SNAP91: variants seen among roughly 807,000 people sequenced by gnomAD.
SNAP91 encodes the protein synaptosome associated protein 91, also known as clathrin coat assembly protein AP180.
Under a neutral mutation model 100.3 loss-of-function variants are expected in SNAP91, and 27 were observed. The observed-to-expected ratio is 0.27, with a 90% CI of 0.20 to 0.37. The LOEUF (loss-of-function observed/expected upper bound fraction) is 0.37, where lower values mean the gene tolerates loss of function less well. Ranked by LOEUF, SNAP91 falls within the 10% of genes least tolerant of loss-of-function variation. SNAP91 has a pLI of 1.00. For missense variants in SNAP91, 986 were observed against 1,123.7 expected, an observed-to-expected ratio of 0.88 and a Z score of 1.75; for synonymous variants, 404 against 398.6, an observed-to-expected ratio of 1.01 and a Z score of -0.16.
chr6:83,700,800 G>T (rs1481887165), intron 2 of SNAP91, among the ~76,000 whole-genome samples: 1 of 152,016 alleles, frequency 6.6e-6, no homozygotes, highest in Non-Finnish European at 1.5e-5. Flanking sequence ...GTCTCCCTAT[G>T]TTGCCCAGGC....
At chr6:83,662,670 C>A (rs1403640541) in intron 3 of SNAP91, among the ~76,000 whole-genome samples, 2 of 151,852 alleles carry the variant, frequency 1.3e-5, no homozygotes, top group African/African-American at 4.8e-5. Context: ...AGTAGGCATC[C>A]TACATAAAAT....
At chr6:83,586,979 G>C (rs939038506) in intron 22 of SNAP91, among the ~76,000 whole-genome samples, 15 of 152,110 alleles carry the variant, frequency 9.9e-5, no homozygotes, top group Admixed American at 9.8e-4. Flanking sequence ...AATATTTCAA[G>C]TGCTGTTTAA....
At position 83,594,456 on chromosome 6, in the gene SNAP91, C is replaced by A; in HGVS notation, c.1350G>T (p.Glu450Asp). Residue 450 changes from glutamate to aspartate, a missense_variant, in exon 17 of 30, where the codon GAG (glutamate) becomes GAT (aspartate). Around this residue, in one of 4 missense-constraint regions of SNAP91, gnomAD observed 575 missense variants for 579.9 expected, o/e 0.99. Coordinates refer to ENST00000369694, the MANE Select transcript of SNAP91 (RefSeq NM_001242792.2). ...FGDAFAASPG[E>D]APAASEGAAA... ...CGGCCCCTTCGGATGCTGCAGGGGC[C>A]TCCCCAGGAGAAGCTGCAAAGGCAT... The A allele has an allele frequency of 6.5e-7, 1 of 1,538,024 alleles. No homozygotes were observed. Among genetic ancestry groups the A allele is most frequent in the Non-Finnish European group, 8.7e-7 (1 of 1,143,114 alleles).
Position 83,632,763 on chromosome 6 carries a change from T to C in SNAP91, c.765+8333A>G, listed in dbSNP as rs999689258. Among the ~76,000 whole-genome samples the C allele has an allele frequency of 7.2e-5, 11 of 152,200 alleles. 1 individual carries two copies. The highest frequency in any genetic ancestry group is 6.2e-4 in the South Asian group (3 of 4,832). On this transcript the variant is annotated intron_variant, in intron 8 of 29. Coordinates refer to ENST00000369694, the MANE Select transcript of SNAP91 (RefSeq NM_001242792.2). ...ATTGTTTTTATTTATGCTATCTAGT[T>C]CCTTGAATATTTCTCCCTTCACTTC... is the stretch of plus-strand genomic sequence containing the variant.
upstream of SNAP91, chr6:83,709,191 GCCTCGCGGC>G (rs2099420185): frequency 6.6e-6 from 1 of 152,268 alleles, no homozygotes; most frequent in Non-Finnish European, 1.5e-5. Context: ...TCGGCGGAGC[GCCTCGCGGC>G]CCCCTCCCAG....
intron 12 of SNAP91, 123 bp downstream of exon 12, chr6:83,610,527 T>G (rs964740098): frequency 3.4e-6 from 1 of 293,760 alleles, no homozygotes; most frequent in Non-Finnish European, 6.8e-6. Flanking sequence ...GTTCCGGAAA[T>G]GGATAGAGAG....
At chr6:83,591,369 T>G (rs1169973224) in intron 21 of SNAP91, 75 bp from the exon 22 acceptor site, 2 of 949,108 alleles carry the variant, frequency 2.1e-6, no homozygotes, top group Non-Finnish European at 3.5e-6. Flanking sequence ...TTAAGTATTA[T>G]GTAGAGAAAT....
intron 9 of SNAP91, among the ~76,000 whole-genome samples, chr6:83,619,708 A>G (rs1245843832): frequency 6.6e-6 from 1 of 152,188 alleles, no homozygotes; most frequent in Non-Finnish European, 1.5e-5. Flanking sequence ...CAAAAACATA[A>G]GATTTTTTTC....
chr6:83,619,762 C>G (rs2096639891), intron 9 of SNAP91, among the ~76,000 whole-genome samples: 1 of 152,066 alleles, frequency 6.6e-6, no homozygotes, highest in African/African-American at 2.4e-5. Context: ...ATGCCACAAA[C>G]AGGAAATAAT....
At chr6:83,668,453 G>A (rs1178348138) in intron 2 of SNAP91, among the ~76,000 whole-genome samples, 4 of 152,116 alleles carry the variant, frequency 2.6e-5, no homozygotes, top group Admixed American at 1.3e-4. Context: ...ATGATAGACT[G>A]GATTAAGAAA....
At chr6:83,609,622 T>C (rs971006116) in intron 12 of SNAP91, among the ~76,000 whole-genome samples, 1 of 152,182 alleles carries the variant, frequency 6.6e-6, no homozygotes, top group Non-Finnish European at 1.5e-5. Flanking sequence ...GTCTGAAGAA[T>C]ACAATGGTAA....
intron 3 of SNAP91, among the ~76,000 whole-genome samples, chr6:83,663,238 C>T (rs889473641): frequency 2.6e-5 from 4 of 152,074 alleles, no homozygotes; most frequent in Non-Finnish European, 5.9e-5. Flanking sequence ...AATAACCCTA[C>T]AATGACCTCT....
intron 24 of SNAP91, among the ~76,000 whole-genome samples, chr6:83,576,359 T>C (rs1490879053): frequency 1.3e-5 from 2 of 152,206 alleles, no homozygotes; most frequent in Admixed American, 6.5e-5. Flanking sequence ...GGTTAGTAAA[T>C]TGTTCTCTAT....
intron 20 of SNAP91, 105 bp downstream of exon 20, chr6:83,592,841 T>C: frequency 1.2e-6 from 1 of 869,174 alleles, no homozygotes; most frequent in Non-Finnish European, 1.8e-6. Flanking sequence ...TGAAGTACAT[T>C]TTAAATTTAA....
intron 2 of SNAP91, among the ~76,000 whole-genome samples, chr6:83,706,582 T>C (rs2099386084): frequency 1.3e-5 from 2 of 152,234 alleles, no homozygotes; most frequent in Non-Finnish European, 2.9e-5. Context: ...ACTCTTACAA[T>C]GTCCAGTTGT....
intron 26 of SNAP91, among the ~76,000 whole-genome samples, chr6:83,564,296 C>T (rs1793256862): frequency 6.6e-6 from 1 of 151,050 alleles, no homozygotes; most frequent in Non-Finnish European, 1.5e-5. Context: ...ACCAATTAAT[C>T]AAGAAAGAAT....
intron 2 of SNAP91, among the ~76,000 whole-genome samples, chr6:83,666,502 ATGCAACAAACATGCGCT>A (rs1455689521): frequency 4.6e-5 from 7 of 152,134 alleles, no homozygotes; most frequent in Non-Finnish European, 7.4e-5. Flanking sequence ...AGGCAATCCC[ATGCAACAAACATGCGCT>A]TGCAACAAAC....
At chr6:83,652,463 T>C (rs547975971) in intron 7 of SNAP91, among the ~76,000 whole-genome samples, 5 of 152,152 alleles carry the variant, frequency 3.3e-5, no homozygotes, top group Non-Finnish European at 7.4e-5. Context: ...TAATGCTTCA[T>C]TGATAGTGTG....
chr6:83,667,191 G>GT lies in SNAP91; in HGVS notation c.131-1611dup, dbSNP rs536752321. Among the ~76,000 whole-genome samples the GT allele has an allele frequency of 7.8e-4, 119 of 152,110 alleles. 1 individual carries two copies. The highest frequency in any genetic ancestry group is 1.1e-3 in the Non-Finnish European group (74 of 67,944). On this transcript the variant is annotated intron_variant, in intron 2 of 29. Transcript: ENST00000369694. ...ACCATATAGACCAATGCATTTAAAC[G>GT]TAACAGAAGATAAACAGTTCACTGA...
Sources: gnomAD v4.1 joint callset for allele counts (sites outside exome capture counted in the v4.1 genomes callset) on GRCh38, gnomAD v4.1.1 for gene constraint, gnomAD v4.1.1 regional missense constraint, MANE v1.5 for transcripts, NCBI Gene and HGNC (gene_info 2026-07-23, HGNC 2026-07-21) for gene names.